Variants in CSN1S1 observed in about 807,000 individuals in gnomAD.
The protein encoded by CSN1S1 is alpha-S1-casein.
Under a neutral mutation model 49.1 loss-of-function variants are expected in CSN1S1, and 63 were observed. The observed-to-expected ratio is 1.28, with a 90% confidence interval of 1.05 to 1.58. CSN1S1 has a LOEUF of 1.58. Among genes scored for constraint, CSN1S1 ranks in the 40% most tolerant of loss-of-function variants. CSN1S1 has a pLI of 0.00. For missense variants in CSN1S1, 260 were observed against 224.7 expected, an observed-to-expected ratio of 1.16 and a Z score of -1.01; for synonymous variants, 78 against 67.1, an observed-to-expected ratio of 1.16 and a Z score of -0.79.
Position 69,932,570 on chromosome 4 carries a change from T to C in CSN1S1, c.15T>C (p.Ile5=), listed in dbSNP as rs1722640941. MRLL[I]LTCLVAVALA... ...CTCTGATAACCATGAGGCTTCTCAT[T>C]CTCACCTGTCTTGTGGCTGTTGCTC... The change falls in exon 2 of 16, where the codon ATT becomes ATC. Residue 5 remains isoleucine, a synonymous_variant. Transcript: ENST00000246891. The C allele has an allele frequency of 6.2e-7, 1 of 1,603,964 alleles. No individual in the cohort carries two copies. Among genetic ancestry groups the C allele is most frequent in the Non-Finnish European group, 8.5e-7 (1 of 1,174,188 alleles).
intron 9 of CSN1S1, 52 bp downstream of exon 9, chr4:69,937,875 T>C: frequency 8.0e-7 from 1 of 1,246,104 alleles, no homozygotes; most frequent in South Asian, 1.7e-5. Context: ...AAACATAGTA[T>C]ATGCAGCATG....
intron 15 of CSN1S1, 38 bp from the exon 16 acceptor site, chr4:69,946,158 T>G (rs1209708189): frequency 4.0e-6 from 2 of 501,264 alleles, no homozygotes; most frequent in South Asian, 3.1e-5. Context: ...CAAAAATATT[T>G]AATATAACTC....
rs112652314 is a variant in CSN1S1 at position 69,937,231 on chromosome 4, A to C, written c.219+87A>C. On this transcript the variant is annotated intron_variant, in intron 8 of 15. Coordinates refer to ENST00000246891, the MANE Select transcript of CSN1S1 (RefSeq NM_001890.2). ...CCCAAATAAATTATTATTTTAAATA[A>C]AAACTATGGCAGATAACTCTAATTC... is the stretch of plus-strand genomic sequence containing the variant. The C allele has an allele frequency of 4.0e-6, 4 of 995,358 alleles. No individual in the cohort carries two copies. In the Admixed American group the frequency reaches 1.1e-4, roughly 28 times the overall value. The allele number at this position is 995,358 out of a possible 1,614,324, so 61.7% of individuals were successfully genotyped here.
At chr4:69,932,426 C>T in intron 1 of CSN1S1, 118 bp from the exon 2 acceptor site, 1 of 779,526 alleles carries the variant, frequency 1.3e-6, no homozygotes, top group Non-Finnish European at 2.1e-6. Flanking sequence ...ATTACAGCTC[C>T]TCAAATCAGC....
intron 11 of CSN1S1, 70 bp downstream of exon 11, chr4:69,940,114 C>T: frequency 8.1e-6 from 1 of 123,408 alleles, no homozygotes; most frequent in Non-Finnish European, 1.3e-5. Flanking sequence ...CTTACTTTCA[C>T]ACACACACAC....
intron 1 of CSN1S1, 75 bp downstream of exon 1, chr4:69,931,192 A>G (rs181993123): frequency 6.6e-6 from 1 of 152,130 alleles, no homozygotes; most frequent in Non-Finnish European, 1.5e-5. Context: ...TTTACTAAGT[A>G]TATTTGTACC....
chr4:69,940,937 G>A lies in CSN1S1; in HGVS notation c.301-82G>A, dbSNP rs897546836. Reference sequence around the variant, plus strand: ...CTACCCTTGGGAAAGAGCATTGTTAGATTCTTGTTTCATCATATGAAAATG... The same window carrying A: ...CTACCCTTGGGAAAGAGCATTGTTAAATTCTTGTTTCATCATATGAAAATG... On this transcript the variant is annotated intron_variant, in intron 11 of 15. Coordinates refer to ENST00000246891, the MANE Select transcript of CSN1S1 (RefSeq NM_001890.2). 2.4e-5 allele frequency: 17 copies of A among 703,504 alleles called. No individual in the cohort carries two copies. The Middle Eastern group carries it at 9.4e-4, about 39-fold the overall frequency. 43.6% of individuals were successfully genotyped at this position (703,504 alleles called of 1,614,324 possible). A position where few individuals can be genotyped will look rare whatever the true frequency, so the allele number is the denominator to read the frequency against.
chr4:69,932,705 C>A, intron 2 of CSN1S1, 99 bp downstream of exon 2: 1 of 1,075,594 alleles, frequency 9.3e-7, no homozygotes, highest in Non-Finnish European at 1.4e-6. Context: ...TCTTAAAGCA[C>A]TGGATGATCT....
At chr4:69,933,035 A>G (rs1351837158) in intron 2 of CSN1S1, among the ~76,000 whole-genome samples, 3 of 151,906 alleles carry the variant, frequency 2.0e-5, no homozygotes, top group Non-Finnish European at 1.5e-5. Context: ...AATGTATCCT[A>G]CTTTTGGAAT....
At chr4:69,931,281 A>G (rs1722598494) in intron 1 of CSN1S1, among the ~76,000 whole-genome samples, 164 bp downstream of exon 1, 1 of 151,970 alleles carries the variant, frequency 6.6e-6, no homozygotes, top group African/African-American at 2.4e-5. Flanking sequence ...TTCTGATACC[A>G]TTTTACAGCT....
At chr4:69,936,876 A>G (rs529396394) in intron 7 of CSN1S1, among the ~76,000 whole-genome samples, 3 of 152,076 alleles carry the variant, frequency 2.0e-5, no homozygotes, top group African/African-American at 7.2e-5. Flanking sequence ...ATGTATTCAC[A>G]TTTATCACCA....
chr4:69,932,571 CT>C lies in CSN1S1; in HGVS notation c.17del (p.Leu6ProfsTer34), dbSNP rs752084155. The part of the protein sequence containing the change: MRLLI[L>X]TCLVAVALAR... The stretch of plus-strand genomic sequence containing the variant: ...TCTGATAACCATGAGGCTTCTCATT[CT>C]CACCTGTCTTGTGGCTGTTGCTCTT... On this transcript the variant is annotated frameshift_variant, in exon 2 of 16. Coordinates refer to ENST00000246891, the MANE Select transcript of CSN1S1 (RefSeq NM_001890.2). LOFTEE classifies it high-confidence loss of function. 28 of 1,603,776 alleles carry C rather than the reference CT, an allele frequency of 1.7e-5. No individual in the cohort carries two copies. Among genetic ancestry groups the C allele is most frequent in the Non-Finnish European group, 2.3e-5 (27 of 1,174,140 alleles).
At chr4:69,942,626 T>G (rs1179286961) in intron 14 of CSN1S1, 49 bp downstream of exon 14, 1 of 1,437,214 alleles carries the variant, frequency 7.0e-7, no homozygotes, top group Non-Finnish European at 9.6e-7. Flanking sequence ...TTGTTAAGCT[T>G]AAATATGTTT....
chr4:69,938,711 A>G (rs1474004448), intron 9 of CSN1S1, among the ~76,000 whole-genome samples: 1 of 151,806 alleles, frequency 6.6e-6, no homozygotes, highest in African/African-American at 2.4e-5. Context: ...ATATTTTAAA[A>G]TCTAATGTAA....
At chr4:69,937,671 T>G (rs1722830281) in intron 8 of CSN1S1, 129 bp from the exon 9 acceptor site, 2 of 707,712 alleles carry the variant, frequency 2.8e-6, no homozygotes, top group Non-Finnish European at 4.5e-6. Flanking sequence ...GTTTTTTTAG[T>G]TTTTCTTATT....
rs34698344 is a variant in CSN1S1, at chr4:69,934,221, C to G, written c.61C>G (p.Leu21Val). 1,680 of 1,610,224 alleles carry G rather than the reference C, an allele frequency of 1.0e-3. 19 individuals are homozygous for G. The African/African-American group carries it at 0.02, about 19-fold the overall frequency. Residue 21 changes from leucine (L) to valine (V), a missense_variant, in exon 3 of 16, where the codon CTT becomes GTT. Leu to Val is a conservative substitution (Grantham distance 32). Transcript: ENST00000246891. Reference protein sequence around the residue: ...AVALARPKLPLRYPERLQNPS... With the variant: ...AVALARPKLPVRYPERLQNPS... ...GCATTGTTTTTCACAGAAACTTCCT[C>G]TTAGATACCCAGAACGCCTTCAGGT...
Position 69,945,720 on chromosome 4 carries a change from A to T in CSN1S1, c.*-476A>T, listed in dbSNP as rs1304331170. Among the ~76,000 whole-genome samples, 7 of 151,916 alleles carry T rather than the reference A, an allele frequency of 4.6e-5. No individual in the cohort carries two copies. In the East Asian group the frequency reaches 1.2e-3, roughly 25 times the overall value. On this transcript the variant is annotated intron_variant, in intron 15 of 15. Transcript: ENST00000246891. ...AATTATGTATCTAACCATTGATCTT[A>T]TTTTTTATGGTCAAATAGACATCCT...
At chr4:69,945,907 C>T (rs1172556936) in intron 15 of CSN1S1, among the ~76,000 whole-genome samples, 1 of 151,760 alleles carries the variant, frequency 6.6e-6, no homozygotes, top group Non-Finnish European at 1.5e-5. Flanking sequence ...ATACATTAAA[C>T]CAAGGAAAAT....
intron 1 of CSN1S1, among the ~76,000 whole-genome samples, chr4:69,931,894 A>G (rs1329459930): frequency 1.3e-5 from 2 of 151,928 alleles, no homozygotes; most frequent in Non-Finnish European, 2.9e-5. Context: ...ACATGTCAAT[A>G]TTTTGATTCT....
Sources: allele counts gnomAD v4.1 joint callset (sites outside exome capture counted in the v4.1 genomes callset), GRCh38; gene constraint gnomAD v4.1.1; transcripts MANE v1.5; gene names NCBI Gene and HGNC (gene_info 2026-07-23, HGNC 2026-07-21).